Variants in FOXP2 observed in about 807,000 individuals in gnomAD.
FOXP2 encodes the protein forkhead box protein P2.
FOXP2 carries 12 observed loss-of-function variants against 115.8 expected under a neutral mutation model. The observed-to-expected ratio is 0.10, with a 90% CI of 0.07 to 0.17. The LOEUF is 0.17. Ranked by LOEUF, FOXP2 falls within the 10% of genes least tolerant of loss-of-function variation. The pLI is 1.00. For missense variants in FOXP2, 629 were observed against 843.5 expected (o/e 0.75, Z 3.15); for synonymous variants, 328 against 297.7 (o/e 1.10, Z -1.05).
At chr7:114,650,447 C>T (rs751081218) in intron 8 of FOXP2, among the ~76,000 whole-genome samples, 10 of 151,514 alleles carry the variant, frequency 6.6e-5, no homozygotes, top group East Asian at 1.9e-4. Context: ...AAAAATCTTA[C>T]GGAAACACAG....
At chr7:114,648,032 A>G (rs1806015025) in intron 8 of FOXP2, among the ~76,000 whole-genome samples, 1 of 152,052 alleles carries the variant, frequency 6.6e-6, no homozygotes, top group African/African-American at 2.4e-5. Context: ...TTACAGACTA[A>G]ATTTTTAAGG....
intron 2 of FOXP2, among the ~76,000 whole-genome samples, chr7:114,477,096 A>G (rs1175310029): frequency 6.6e-6 from 1 of 151,966 alleles, no homozygotes; most frequent in Admixed American, 6.6e-5. Context: ...AAGCCTGGAG[A>G]CTTCTCAAAG....
chr7:114,565,936 C>T (rs766194291), intron 3 of FOXP2, among the ~76,000 whole-genome samples: 1 of 152,132 alleles, frequency 6.6e-6, no homozygotes, highest in Non-Finnish European at 1.5e-5. Flanking sequence ...AGTATGATTT[C>T]TCTTTTCTTC....
intron 2 of FOXP2, chr7:114,463,078 G>A: frequency 2.3e-6 from 1 of 430,322 alleles, no homozygotes; most frequent in South Asian, 1.7e-5. Flanking sequence ...TCCCAGGCTG[G>A]AGTGCAGTGG....
intron 1 of FOXP2, among the ~76,000 whole-genome samples, chr7:114,139,416 T>C (rs115960981): frequency 0.025 from 3,779 of 152,116 alleles, 90 homozygotes; most frequent in African/African-American, 0.065. Context: ...ATAAAAAAGG[T>C]TTCTTTTATA....
At chr7:114,190,601 TA>T (rs1460569076) in intron 1 of FOXP2, among the ~76,000 whole-genome samples, 3 of 152,172 alleles carry the variant, frequency 2.0e-5, no homozygotes, top group Non-Finnish European at 2.9e-5. Context: ...CAATTCCTCA[TA>T]ATTGTTGTGG....
rs114491944 is a variant in FOXP2 at position 114,472,505 on chromosome 7, T to C, written c.168+45826T>C. On this transcript the variant is annotated intron_variant, in intron 2 of 16. Coordinates refer to ENST00000350908, the MANE Select transcript of FOXP2 (RefSeq NM_014491.4). ...GGACTACAGGCCTGTACCACCACAC[T>C]TGGCTAATTTTTTTGTACTTTTAGT... Among the ~76,000 whole-genome samples the C allele has an allele frequency of 5.6e-3, 844 of 151,980 alleles. 5 individuals are homozygous for C. The highest frequency in any genetic ancestry group is 0.019 in the African/African-American group (806 of 41,460).
rs756224087 is a variant in FOXP2, at chr7:114,690,922, C to G, written c.*996C>G. The G allele has an allele frequency of 2.2e-6, 1 of 454,418 alleles. No homozygotes were observed. Among genetic ancestry groups the G allele is most frequent in the African/African-American group, 2.0e-5 (1 of 50,106 alleles). 28.1% of individuals were successfully genotyped at this position (454,418 alleles called of 1,614,324 possible). On this transcript the variant is annotated 3_prime_UTR_variant, in exon 17 of 17. Transcript: ENST00000350908. Reference sequence around the variant, plus strand: ...GCCCTAAACAAAGAAACAAATATGACAAAAACCACAACTAAAAAATGTTAA... The same window carrying G: ...GCCCTAAACAAAGAAACAAATATGAGAAAAACCACAACTAAAAAATGTTAA...
chr7:114,659,575 A>G lies in FOXP2; in HGVS notation c.1549A>G (p.Ile517Val). 3 of 1,613,324 alleles carry G rather than the reference A, an allele frequency of 1.9e-6. No individual in the cohort carries two copies. The highest frequency in any genetic ancestry group is 2.5e-6 in the Non-Finnish European group (3 of 1,179,384). The change falls in exon 13 of 17, where the codon ATC becomes GTC. Residue 517 changes from isoleucine (I) to valine (V), a missense_variant. Ile to Val is a conservative substitution (Grantham distance 29). Coordinates refer to ENST00000350908, the MANE Select transcript of FOXP2 (RefSeq NM_014491.4). ...TATGTATCTTGTCTCATTTCAGGCT[A>G]TCATGGAGTCATCTGACAGGCAGTT... ...FTYATLIRQA[I>V]MESSDRQLTL...
chr7:114,561,264 G>A (rs568507186), intron 3 of FOXP2: 2 of 152,264 alleles, frequency 1.3e-5, no homozygotes, highest in African/African-American at 4.8e-5. Flanking sequence ...CTTTGAGTTG[G>A]TTTGCTACTA....
chr7:114,472,134 G>T (rs568120871), intron 2 of FOXP2, among the ~76,000 whole-genome samples: 1 of 152,150 alleles, frequency 6.6e-6, no homozygotes, highest in South Asian at 2.1e-4. Context: ...ATGAGTAGCT[G>T]GGCTTACCTG....
At chr7:114,580,221 A>G (rs1801777602) in intron 3 of FOXP2, among the ~76,000 whole-genome samples, 1 of 152,226 alleles carries the variant, frequency 6.6e-6, no homozygotes, top group South Asian at 2.1e-4. Context: ...AGAGTGTGTT[A>G]TCAGAAAAAC....
Position 114,693,138 on chromosome 7 carries a change from A to G in FOXP2, c.*3212A>G, listed in dbSNP as rs1484667960. ...GTGGTTGGATTCGTGGCACAGTTGT[A>G]CTATTTGAAAATCAATTAAAATTTT... On this transcript the variant is annotated 3_prime_UTR_variant, in exon 17 of 17. Transcript: ENST00000350908. The G allele has an allele frequency of 4.4e-6, 2 of 453,882 alleles. No individual in the cohort carries two copies. The highest frequency in any genetic ancestry group is 8.8e-6 in the Non-Finnish European group (2 of 226,658). The allele number at this position is 453,882 out of a possible 1,614,324, so 28.1% of individuals were successfully genotyped here.
At chr7:114,100,501 T>A (rs1231404867) in intron 1 of FOXP2, among the ~76,000 whole-genome samples, 1 of 152,202 alleles carries the variant, frequency 6.6e-6, no homozygotes, top group Admixed American at 6.5e-5. Flanking sequence ...GAATAATTTA[T>A]TCTTAAAGTA....
chr7:114,263,303 A>C (rs954888364), intron 1 of FOXP2, among the ~76,000 whole-genome samples: 8 of 150,924 alleles, frequency 5.3e-5, no homozygotes, highest in Non-Finnish European at 1.0e-4. Context: ...GTCAATCATA[A>C]ACACTCCTCT....
chr7:114,352,105 C>CAA (rs145592793), intron 2 of FOXP2, among the ~76,000 whole-genome samples: 19 of 137,346 alleles, frequency 1.4e-4, no homozygotes, highest in African/African-American at 3.7e-4. Context: ...CCATCTCTAA[C>CAA]AAAAAAAAAA....
intron 1 of FOXP2, among the ~76,000 whole-genome samples, chr7:114,416,734 A>G (rs1793364081): frequency 1.3e-5 from 2 of 151,978 alleles, no homozygotes; most frequent in African/African-American, 4.8e-5. Context: ...TCTGCTGTAC[A>G]AGTTTGGAAA....
At position 114,663,446 on chromosome 7, in the gene FOXP2, T is replaced by C; in HGVS notation, c.1770-4T>C. 1.3e-6 allele frequency: 2 copies of C among 1,599,176 alleles called. No individual in the cohort carries two copies. Among genetic ancestry groups the C allele is most frequent in the Non-Finnish European group, 1.7e-6 (2 of 1,168,132 alleles). Reference sequence around the variant, plus strand: ...AAATGATCTTTATATATTTTTTTTTTCAGAAGTCCAACCTTAGTAAAAAAT... The same window carrying C: ...AAATGATCTTTATATATTTTTTTTTCCAGAAGTCCAACCTTAGTAAAAAAT... On this transcript the variant is annotated splice_polypyrimidine_tract_variant and splice_region_variant and intron_variant, in intron 14 of 16. Transcript: ENST00000350908.
intron 1 of FOXP2, among the ~76,000 whole-genome samples, chr7:114,271,953 T>G (rs967459493): frequency 7.5e-6 from 1 of 132,818 alleles, no homozygotes; most frequent in African/African-American, 2.8e-5. Flanking sequence ...TTGTATTTAT[T>G]ATTATATTAA....
Sources: allele counts gnomAD v4.1 joint callset (sites outside exome capture counted in the v4.1 genomes callset), GRCh38; gene constraint gnomAD v4.1.1; transcripts MANE v1.5; gene names NCBI Gene and HGNC (gene_info 2026-07-23, HGNC 2026-07-21).